PLEKHA5: variants seen among roughly 807,000 people sequenced by gnomAD.
PLEKHA5 encodes pleckstrin homology domain-containing family A member 5.
In PLEKHA5, 55 loss-of-function variants were observed where a neutral mutation model predicts 181.9. The observed-to-expected ratio is 0.30, with a 90% confidence interval of 0.24 to 0.38. PLEKHA5 has a LOEUF of 0.38. Among genes scored for constraint, PLEKHA5 ranks in the 10% least tolerant of loss-of-function variants. The probability of loss-of-function intolerance (pLI) is 1.00; values close to 1 mark genes in which losing one functional copy is unlikely to be tolerated. For missense variants in PLEKHA5, 1,432 were observed against 1,549.5 expected (o/e 0.92, Z 1.27); for synonymous variants, 535 against 529.4 (o/e 1.01, Z -0.15).
intron 29 of PLEKHA5, among the ~76,000 whole-genome samples, chr12:19,364,962 A>G (rs2095379012): frequency 6.6e-6 from 1 of 152,150 alleles, no homozygotes; most frequent in African/African-American, 2.4e-5. Context: ...GCTCAGCCAC[A>G]CTGATCATTT....
At chr12:19,197,676 C>CTGTGTGTGTGTGTGTGTGTG (rs3056412) in intron 3 of PLEKHA5, among the ~76,000 whole-genome samples, 1 of 110,930 alleles carries the variant, frequency 9.0e-6, no homozygotes, top group African/African-American at 3.4e-5. Context: ...CTATCCGGTG[C>CTGTGTGTGTGTGTGTGTGTG]TGTGTGTGTG....
intron 18 of PLEKHA5, 200 bp downstream of exon 18, chr12:19,320,824 G>A (rs193059263): frequency 5.6e-4 from 189 of 334,738 alleles, no homozygotes; most frequent in African/African-American, 3.5e-3. Context: ...GCAGTCCAAC[G>A]TTATTAAGCA....
chr12:19,167,070 C>T (rs564781936), intron 3 of PLEKHA5, among the ~76,000 whole-genome samples: 10 of 152,112 alleles, frequency 6.6e-5, no homozygotes, highest in Non-Finnish European at 1.3e-4. Context: ...CCCCACCTTC[C>T]CCACCTCATT....
chr12:19,209,820 A>G (rs938857236), intron 3 of PLEKHA5, among the ~76,000 whole-genome samples: 1 of 152,222 alleles, frequency 6.6e-6, no homozygotes, highest in African/African-American at 2.4e-5. Context: ...CCAAGGAACA[A>G]TAACATCTGC....
At chr12:19,345,816 A>T in intron 22 of PLEKHA5, 26 bp from the exon 23 acceptor site, 1 of 1,148,470 alleles carries the variant, frequency 8.7e-7, no homozygotes, top group Non-Finnish European at 1.3e-6. Flanking sequence ...TATGTTTAAT[A>T]TAGTTACGTT....
At chr12:19,171,530 G>A (rs1191667867) in intron 3 of PLEKHA5, among the ~76,000 whole-genome samples, 1 of 151,964 alleles carries the variant, frequency 6.6e-6, no homozygotes, top group African/African-American at 2.4e-5. Context: ...GTGCAGTGGC[G>A]GTACCTCGGC....
At chr12:19,139,374 G>T (rs529726640) in intron 3 of PLEKHA5, among the ~76,000 whole-genome samples, 1 of 152,176 alleles carries the variant, frequency 6.6e-6, no homozygotes, top group East Asian at 1.9e-4. Context: ...TTTCACAAAG[G>T]ACTCCTGACA....
chr12:19,358,777 T>C (rs2095076815), intron 27 of PLEKHA5, among the ~76,000 whole-genome samples: 1 of 152,182 alleles, frequency 6.6e-6, no homozygotes, highest in Non-Finnish European at 1.5e-5. Context: ...GTTACCAAGA[T>C]AGTCCCCAAT....
intron 3 of PLEKHA5, among the ~76,000 whole-genome samples, chr12:19,217,269 A>G (rs1287669134): frequency 6.6e-6 from 1 of 152,230 alleles, no homozygotes; most frequent in African/African-American, 2.4e-5. Flanking sequence ...GATTGATATG[A>G]TAGTAAACAA....
At chr12:19,318,105 A>G (rs1010947059) in intron 16 of PLEKHA5, among the ~76,000 whole-genome samples, 2 of 151,214 alleles carry the variant, frequency 1.3e-5, no homozygotes, top group African/African-American at 4.9e-5. Flanking sequence ...AACCTTTTCA[A>G]TTCTATGAAG....
intron 3 of PLEKHA5, chr12:19,201,693 G>A (rs1356365271): frequency 6.6e-6 from 1 of 152,038 alleles, no homozygotes; most frequent in Non-Finnish European, 1.5e-5. Flanking sequence ...CCTTGATGCT[G>A]CCTAAAAGAG....
intron 11 of PLEKHA5, among the ~76,000 whole-genome samples, chr12:19,282,583 T>C (rs1236013445): frequency 6.6e-6 from 1 of 152,238 alleles, no homozygotes; most frequent in Non-Finnish European, 1.5e-5. Flanking sequence ...TCTATGGGTA[T>C]AACTCACTTC....
intron 3 of PLEKHA5, among the ~76,000 whole-genome samples, chr12:19,142,597 A>G (rs944711221): frequency 2.0e-5 from 3 of 152,196 alleles, no homozygotes; most frequent in African/African-American, 4.8e-5. Flanking sequence ...TCTGATAACA[A>G]TAGCTTTTTA....
chr12:19,354,863 A>T (rs932498963), intron 26 of PLEKHA5, among the ~76,000 whole-genome samples: 17 of 152,172 alleles, frequency 1.1e-4, no homozygotes, highest in African/African-American at 3.9e-4. Flanking sequence ...ATCAGCCTAG[A>T]CATGGGGTCA....
At chr12:19,260,627 C>T (rs1306227886) in intron 6 of PLEKHA5, among the ~76,000 whole-genome samples, 3 of 152,138 alleles carry the variant, frequency 2.0e-5, no homozygotes, top group African/African-American at 4.8e-5. Flanking sequence ...AAGGCCAAGG[C>T]GGGTGGATCA....
At chr12:19,197,730 GTGTT>G (rs1448212216) in intron 3 of PLEKHA5, among the ~76,000 whole-genome samples, 9 of 104,324 alleles carry the variant, frequency 8.6e-5, no homozygotes, top group South Asian at 3.2e-4. Flanking sequence ...GTGTGTGTGT[GTGTT>G]TAAGTCGCCT....
At chr12:19,218,244 A>G (rs1161209679) in intron 3 of PLEKHA5, among the ~76,000 whole-genome samples, 1 of 152,190 alleles carries the variant, frequency 6.6e-6, no homozygotes, top group Admixed American at 6.5e-5. Context: ...CATCCGAGAC[A>G]TTGCTCCACA....
At chr12:19,147,755 A>T (rs1410000954) in intron 3 of PLEKHA5, among the ~76,000 whole-genome samples, 4 of 152,130 alleles carry the variant, frequency 2.6e-5, no homozygotes, top group Non-Finnish European at 5.9e-5. Flanking sequence ...TTATTTTTAG[A>T]GACAGGGTCT....
chr12:19,308,666 T>C (rs2085060775), intron 15 of PLEKHA5, among the ~76,000 whole-genome samples: 1 of 152,172 alleles, frequency 6.6e-6, no homozygotes, highest in Non-Finnish European at 1.5e-5. Context: ...TAAATGTCAT[T>C]AAAATCCTCC....
Sources: gnomAD v4.1 joint callset for allele counts (sites outside exome capture counted in the v4.1 genomes callset) on GRCh38, gnomAD v4.1.1 for gene constraint, MANE v1.5 for transcripts, NCBI Gene and HGNC (gene_info 2026-07-23, HGNC 2026-07-21) for gene names.